The following LAMP5 variants were observed in gnomAD, a reference collection of about 807,000 sequenced individuals.
The protein encoded by LAMP5 is lysosome associated membrane protein 5.
In LAMP5, 36 loss-of-function variants were observed where a neutral mutation model predicts 30.2. The observed-to-expected ratio is 1.19, with a 90% CI of 0.91 to 1.57. The LOEUF (loss-of-function observed/expected upper bound fraction) is 1.57. LAMP5 is among the 40% of genes most tolerant of loss of function. LAMP5 has a pLI of 0.00. For missense variants in LAMP5, 377 were observed against 354.9 expected (o/e 1.06, Z -0.50); for synonymous variants, 149 against 134.6 (o/e 1.11, Z -0.74).
intron 2 of LAMP5, 31 bp downstream of exon 2, chr20:9,515,656 T>C (rs1262456363): frequency 6.2e-7 from 1 of 1,607,456 alleles, no homozygotes; most frequent in African/African-American, 1.3e-5. Context: ...CTCAGCTTGC[T>C]CCTAGGGCTC....
chr20:9,515,040 C>CT lies in LAMP5; in HGVS notation c.64+131dup, dbSNP rs906723548. The CT allele has an allele frequency of 2.6e-4, 239 of 918,120 alleles. 1 individual carries two copies. The highest frequency in any genetic ancestry group is 1.1e-3 in the Middle Eastern group (5 of 4,590). The allele number at this position is 918,120 out of a possible 1,614,324, so 56.9% of individuals were successfully genotyped here. A position where few individuals can be genotyped will look rare whatever the true frequency, so the allele number is the denominator to read the frequency against. On this transcript the variant is annotated intron_variant, in intron 1 of 5. Coordinates refer to ENST00000246070, the MANE Select transcript of LAMP5 (RefSeq NM_012261.4). ...CCCTTAATGTTTTGCGGTGTTTTTTCTTTTTTTCTTTTAGGGGAGGAGGGA... is the reference window on the plus strand; with the variant it reads ...CCCTTAATGTTTTGCGGTGTTTTTTCTTTTTTTTCTTTTAGGGGAGGAGGGA...
Position 9,514,732 on chromosome 20 carries a change from T to TCTCTGG in LAMP5, c.-120_-119insTCTGGC. The TCTCTGG allele has an allele frequency of 1.3e-6, 1 of 746,042 alleles. No individual in the cohort carries two copies. The allele number at this position is 746,042 out of a possible 1,614,324, so 46.2% of individuals were successfully genotyped here. A position where few individuals can be genotyped will look rare whatever the true frequency, so the allele number is the denominator to read the frequency against. ...GCTCACAGAATACGCGCTCCCTCCC[T>TCTCTGG]CCCCCTTCTCTGTCCCCCGCCTCTC... is the stretch of plus-strand genomic sequence containing the variant. On this transcript the variant is annotated 5_prime_UTR_variant, in exon 1 of 6. Coordinates refer to ENST00000246070, the MANE Select transcript of LAMP5 (RefSeq NM_012261.4).
At chr20:9,528,856 A>G (rs2143195) in intron 5 of LAMP5, among the ~76,000 whole-genome samples, 15,015 of 152,050 alleles carry the variant, frequency 0.099, 916 homozygotes, top group East Asian at 0.32. Flanking sequence ...GTATGTATAC[A>G]CTCCTTGTGT....
chr20:9,515,929 C>A, intron 2 of LAMP5, 71 bp from the exon 3 acceptor site: 4 of 1,418,648 alleles, frequency 2.8e-6, no homozygotes, highest in Non-Finnish European at 3.7e-6. Flanking sequence ...AGAGTTTGGA[C>A]GCGCCGCCCT....
At position 9,518,090 on chromosome 20, in the gene LAMP5, G is replaced by T. The variant is rs140401099; in HGVS notation, c.526G>T (p.Ala176Ser). ...SHHLSALVTP[A>S]GKSYECQAQQ... ...CCACCTCTCTGCCTTGGTCACCCCC[G>T]CTGGGAAGTCCTATGAGTGTCAAGC... The change falls in exon 5 of 6, where the codon GCT (alanine) becomes TCT (serine). Residue 176 changes from alanine (A) to serine (S), a missense_variant. Transcript: ENST00000246070. 3 of 1,614,004 alleles carry T rather than the reference G, an allele frequency of 1.9e-6. No homozygotes were observed. The highest frequency in any genetic ancestry group is 2.7e-5 in the African/African-American group (2 of 74,912).
chr20:9,515,949 C>G (rs2045034348), intron 2 of LAMP5, 51 bp from the exon 3 acceptor site: 1 of 1,447,856 alleles, frequency 6.9e-7, no homozygotes, highest in African/African-American at 1.4e-5. Flanking sequence ...TTTACAGCCC[C>G]CGCCCCGGGG....
chr20:9,516,977 C>A (rs976113104), intron 4 of LAMP5, among the ~76,000 whole-genome samples: 5 of 152,174 alleles, frequency 3.3e-5, no homozygotes, highest in African/African-American at 1.2e-4. Flanking sequence ...TAACAATATT[C>A]CTATCTGCAG....
In LAMP5 at chr20:9,526,258, T is replaced by C. The variant is rs531208075; in HGVS notation, c.665-3384T>C. ...AATTTGAAATCAATGTATTTCTTCT[T>C]AATATTTTAAAATTTTTAAAAATTC... On this transcript the variant is annotated intron_variant, in intron 5 of 5. Transcript: ENST00000246070. 5.9e-5 allele frequency among the ~76,000 whole-genome samples: 9 copies of C among 152,386 alleles called. No individual in the cohort carries two copies. In the South Asian group the frequency reaches 1.9e-3, roughly 32 times the overall value.
intron 5 of LAMP5, among the ~76,000 whole-genome samples, chr20:9,527,461 A>G (rs547998492): frequency 1.2e-3 from 188 of 152,182 alleles, no homozygotes; most frequent in Non-Finnish European, 2.4e-3. Context: ...AATTGTTATT[A>G]TTAGAGAGGA....
intron 5 of LAMP5, among the ~76,000 whole-genome samples, chr20:9,520,344 G>A (rs1291862901): frequency 6.6e-6 from 1 of 152,120 alleles, no homozygotes; most frequent in Non-Finnish European, 1.5e-5. Context: ...CCTCCCTTCT[G>A]TTCCTCTCAG....
chr20:9,515,757 G>A, intron 2 of LAMP5, 132 bp downstream of exon 2: 1 of 1,069,036 alleles, frequency 9.4e-7, no homozygotes, highest in Non-Finnish European at 1.4e-6. Context: ...CCCGAATGCT[G>A]CATGGGGATT....
chr20:9,522,649 C>T (rs959830604), intron 5 of LAMP5, among the ~76,000 whole-genome samples: 1 of 152,138 alleles, frequency 6.6e-6, no homozygotes, highest in African/African-American at 2.4e-5. Context: ...AATTATCTCA[C>T]CTGAGGGTGA....
chr20:9,516,423 G>A (rs1261930943), intron 4 of LAMP5, 62 bp downstream of exon 4: 1 of 1,347,016 alleles, frequency 7.4e-7, no homozygotes, highest in African/African-American at 1.4e-5. Flanking sequence ...GGCTTGGAGA[G>A]AGAATTCCTC....
chr20:9,528,033 C>A (rs1221968416), intron 5 of LAMP5, among the ~76,000 whole-genome samples: 4 of 152,074 alleles, frequency 2.6e-5, no homozygotes, highest in Admixed American at 2.6e-4. Context: ...TTCACAATAG[C>A]AAAGTTACAG....
Position 9,518,216 on chromosome 20 carries a change from G to A in LAMP5, c.652G>A (p.Val218Ile). The A allele has an allele frequency of 6.2e-7, 1 of 1,614,094 alleles. No individual in the cohort carries two copies. Among genetic ancestry groups the A allele is most frequent in the South Asian group, 1.1e-5 (1 of 91,060 alleles). The change falls in exon 5 of 6, where the codon GTC becomes ATC. Residue 218 changes from valine (V) to isoleucine (I), a missense_variant. By Grantham distance (29) the Val-to-Ile change is conservative. Transcript: ENST00000246070. ...IQPFDIISDF[V>I]FSEEHKCPVD... ...ACCTTTTGACATTATCTCAGATTTT[G>A]TCTTCAGTGAAGGTAAGTTGTTGGG...
intron 2 of LAMP5, 81 bp downstream of exon 2, chr20:9,515,706 C>G: frequency 4.1e-6 from 6 of 1,477,812 alleles, no homozygotes; most frequent in Non-Finnish European, 5.5e-6. Flanking sequence ...CTTCGAAGAC[C>G]TGGGTTGCCC....
chr20:9,524,595 T>TAAAAAAAAAA (rs748114210), intron 5 of LAMP5, among the ~76,000 whole-genome samples: 9 of 82,094 alleles, frequency 1.1e-4, no homozygotes, highest in African/African-American at 2.1e-4. Flanking sequence ...CAGATCGAAC[T>TAAAAAAAAAA]AAAAAAAAAA....
chr20:9,516,239 C>G lies in LAMP5; in HGVS notation c.370-17C>G, dbSNP rs2045038455. The G allele has an allele frequency of 6.2e-7, 1 of 1,613,880 alleles. No individual in the cohort carries two copies. On this transcript the variant is annotated splice_polypyrimidine_tract_variant and intron_variant, in intron 3 of 5. Coordinates refer to ENST00000246070, the MANE Select transcript of LAMP5 (RefSeq NM_012261.4). ...ACGCTGCGGGGACGATTGAAGCGCA[C>G]CTCCCCGGCTCAACAGGAAAGCCAC...
intron 5 of LAMP5, among the ~76,000 whole-genome samples, chr20:9,522,186 G>GTTGGGTACCCCCAA (rs2045083569): frequency 1.3e-5 from 2 of 152,164 alleles, no homozygotes; most frequent in Non-Finnish European, 2.9e-5. Context: ...TACAGAGTTT[G>GTTGGGTACCCCCAA]TTGGGTACCC....
Sources: gnomAD v4.1 joint callset for allele counts (sites outside exome capture counted in the v4.1 genomes callset) on GRCh38, gnomAD v4.1.1 for gene constraint, MANE v1.5 for transcripts, NCBI Gene and HGNC (gene_info 2026-07-23, HGNC 2026-07-21) for gene names.